DPP10: variants seen among roughly 807,000 people sequenced by gnomAD.
The protein encoded by DPP10 is inactive dipeptidyl peptidase 10.
A neutral mutation model predicts 120.9 loss-of-function variants in DPP10; 33 were observed. The ratio of observed to expected loss-of-function variants is 0.27; its 90% CI spans 0.21 to 0.37. The LOEUF (loss-of-function observed/expected upper bound fraction) is 0.37, where lower values mean the gene tolerates loss of function less well. Ranked by LOEUF, DPP10 falls within the 10% of genes least tolerant of loss-of-function variation. The pLI is 1.00. For missense variants in DPP10, 816 were observed against 942.8 expected (o/e 0.87, Z 1.76); for synonymous variants, 337 against 326.1 (o/e 1.03, Z -0.36).
intron 21 of DPP10, among the ~76,000 whole-genome samples, chr2:115,830,817 G>A (rs949848826): frequency 3.3e-5 from 5 of 152,010 alleles, no homozygotes; most frequent in Non-Finnish European, 5.9e-5. Flanking sequence ...GGATATCTGG[G>A]GAAAATAAAA....
At position 115,272,543 on chromosome 2, in the gene DPP10, C is replaced by G. The variant is rs187752278; in HGVS notation, c.61-36696C>G. Among the ~76,000 whole-genome samples the G allele has an allele frequency of 2.8e-4, 43 of 152,202 alleles. No homozygotes were observed. In the East Asian group the frequency reaches 7.9e-3, roughly 28 times the overall value. Reference sequence around the variant, plus strand: ...AATTTTCAATTTTGGGGTGAAAAACCTTATTAAACTTCTCCAGTAACTAAA... The same window carrying G: ...AATTTTCAATTTTGGGGTGAAAAACGTTATTAAACTTCTCCAGTAACTAAA... On this transcript the variant is annotated intron_variant, in intron 1 of 25. Transcript: ENST00000410059.
At chr2:115,776,977 C>T (rs1682179916) in intron 13 of DPP10, among the ~76,000 whole-genome samples, 1 of 151,976 alleles carries the variant, frequency 6.6e-6, no homozygotes, top group Non-Finnish European at 1.5e-5. Context: ...TCACCCTCAC[C>T]TGGAGGAGTT....
At chr2:114,734,585 A>T (rs1337861333) in intron 1 of DPP10, among the ~76,000 whole-genome samples, 1 of 152,208 alleles carries the variant, frequency 6.6e-6, no homozygotes, top group African/African-American at 2.4e-5. Flanking sequence ...ACCACCTTGG[A>T]CACATGTTCT....
intron 1 of DPP10, among the ~76,000 whole-genome samples, chr2:114,515,277 T>C (rs1684501011): frequency 6.6e-6 from 1 of 152,214 alleles, no homozygotes; most frequent in Non-Finnish European, 1.5e-5. Context: ...AGAATTTTAA[T>C]GTTGGAAACA....
intron 1 of DPP10, among the ~76,000 whole-genome samples, chr2:115,067,966 T>G (rs1330469624): frequency 2.0e-5 from 3 of 151,806 alleles, no homozygotes; most frequent in African/African-American, 7.3e-5. Context: ...CTTTGTCTAT[T>G]CATCTGTCTA....
At chr2:115,693,427 C>T (rs578002809) in intron 7 of DPP10, among the ~76,000 whole-genome samples, 47 of 152,056 alleles carry the variant, frequency 3.1e-4, no homozygotes, top group African/African-American at 1.0e-3. Context: ...TGGAACAAAC[C>T]AAATTCCAGA....
At chr2:115,380,716 C>G (rs1443282650) in intron 3 of DPP10, among the ~76,000 whole-genome samples, 3 of 152,010 alleles carry the variant, frequency 2.0e-5, no homozygotes, top group Non-Finnish European at 4.4e-5. Flanking sequence ...ATGTTTAGTG[C>G]TTCCTTCAGG....
intron 19 of DPP10, among the ~76,000 whole-genome samples, chr2:115,810,915 A>G (rs1484665291): frequency 6.6e-6 from 1 of 152,248 alleles, no homozygotes; most frequent in Non-Finnish European, 1.5e-5. Flanking sequence ...CACAGCCAAT[A>G]CACACATGAG....
chr2:114,491,877 G>T (rs1458008597), intron 1 of DPP10, among the ~76,000 whole-genome samples: 1 of 152,176 alleles, frequency 6.6e-6, no homozygotes, highest in East Asian at 1.9e-4. Context: ...AAGCATGGTG[G>T]TGTCTTTCCC....
At chr2:115,714,371 A>G (rs1460374804) in intron 7 of DPP10, among the ~76,000 whole-genome samples, 1 of 152,226 alleles carries the variant, frequency 6.6e-6, no homozygotes, top group Non-Finnish European at 1.5e-5. Context: ...AAAAGATCTT[A>G]GGATCATGAT....
At chr2:114,561,237 G>A (rs1056354921) in intron 1 of DPP10, among the ~76,000 whole-genome samples, 1 of 152,168 alleles carries the variant, frequency 6.6e-6, no homozygotes, top group African/African-American at 2.4e-5. Flanking sequence ...GGACATCTTA[G>A]CTCTCTTGCT....
chr2:114,996,212 G>T (rs1205170774), intron 1 of DPP10, among the ~76,000 whole-genome samples: 2 of 152,146 alleles, frequency 1.3e-5, no homozygotes, highest in Non-Finnish European at 2.9e-5. Context: ...GTGGCTTGAG[G>T]CGAGGTGTAA....
intron 1 of DPP10, among the ~76,000 whole-genome samples, chr2:114,528,952 C>T (rs559441424): frequency 6.6e-6 from 1 of 152,064 alleles, no homozygotes; most frequent in Non-Finnish European, 1.5e-5. Context: ...CCCCTTTCCC[C>T]AGATGTATTC....
chr2:115,277,888 G>A (rs182506537), intron 1 of DPP10, among the ~76,000 whole-genome samples: 131 of 152,158 alleles, frequency 8.6e-4, no homozygotes, highest in African/African-American at 2.3e-3. Context: ...AACTTCTACT[G>A]TTAACATCTG....
intron 5 of DPP10, among the ~76,000 whole-genome samples, chr2:115,608,562 A>T (rs1558919575): frequency 2.0e-5 from 3 of 152,146 alleles, no homozygotes; most frequent in Non-Finnish European, 4.4e-5. Flanking sequence ...GGGGACAATT[A>T]TTTGGAACAA....
chr2:115,178,379 TC>T (rs1157189877), intron 1 of DPP10, among the ~76,000 whole-genome samples: 1 of 152,116 alleles, frequency 6.6e-6, no homozygotes, highest in Admixed American at 6.5e-5. Context: ...CAAATTACTT[TC>T]CTTCTCTGAA....
intron 1 of DPP10, among the ~76,000 whole-genome samples, chr2:115,289,114 A>T (rs1166945489): frequency 6.6e-6 from 1 of 152,148 alleles, no homozygotes; most frequent in Non-Finnish European, 1.5e-5. Flanking sequence ...TACAAAATCT[A>T]TGTGAAGAAA....
chr2:114,790,183 G>A (rs1398552014), intron 1 of DPP10, among the ~76,000 whole-genome samples: 15 of 152,192 alleles, frequency 9.9e-5, no homozygotes, highest in African/African-American at 3.1e-4. Flanking sequence ...AGAATATCCC[G>A]CATCAGCACT....
At chr2:115,333,062 C>G (rs1270357770) in intron 2 of DPP10, among the ~76,000 whole-genome samples, 1 of 152,060 alleles carries the variant, frequency 6.6e-6, no homozygotes, top group African/African-American at 2.4e-5. Context: ...GAGTCTAAGT[C>G]TCTTTGTAGA....
Sources: allele counts gnomAD v4.1 joint callset (sites outside exome capture counted in the v4.1 genomes callset), GRCh38; gene constraint gnomAD v4.1.1; transcripts MANE v1.5; gene names NCBI Gene and HGNC (gene_info 2026-07-23, HGNC 2026-07-21).